The following IPP variants were observed in gnomAD, a reference collection of about 807,000 sequenced individuals.
The protein encoded by IPP is actin-binding protein IPP.
Under a neutral mutation model 64.1 loss-of-function variants are expected in IPP, and 41 were observed. That is an observed-to-expected ratio of 0.64 (90% CI 0.50 to 0.83). IPP has a LOEUF of 0.83. Ranked by LOEUF, IPP falls within the 40% of genes least tolerant of loss-of-function variation. The pLI is 0.00. For missense variants in IPP, 649 were observed against 703.0 expected, an observed-to-expected ratio of 0.92 and a Z score of 0.87; for synonymous variants, 214 against 235.2, an observed-to-expected ratio of 0.91 and a Z score of 0.83.
chr1:45,705,161 G>C (rs1645499968), intron 8 of IPP, among the ~76,000 whole-genome samples: 1 of 152,164 alleles, frequency 6.6e-6, no homozygotes, highest in South Asian at 2.1e-4. Flanking sequence ...GAACATTCCT[G>C]GGCTAAGCCC....
downstream of IPP, among the ~76,000 whole-genome samples, chr1:45,696,141 A>G (rs1240800392): frequency 6.6e-6 from 1 of 152,206 alleles, no homozygotes; most frequent in Admixed American, 6.5e-5. Flanking sequence ...GGCAAATCAT[A>G]TTTTTAGGCT....
intron 5 of IPP, among the ~76,000 whole-genome samples, chr1:45,724,973 G>A (rs1453152553): frequency 6.9e-6 from 1 of 145,642 alleles, no homozygotes; most frequent in East Asian, 2.1e-4. Context: ...TGGGAAGTGA[G>A]GAGCCCCTCT....
At chr1:45,703,854 A>G (rs1326455977) in intron 8 of IPP, among the ~76,000 whole-genome samples, 4 of 152,224 alleles carry the variant, frequency 2.6e-5, no homozygotes, top group Admixed American at 1.3e-4. Flanking sequence ...CCTCAATGCA[A>G]TGTAGCCTCC....
rs991673854 is a variant in IPP at position 45,699,207 on chromosome 1, G to C, written c.*759C>G. 23 of 985,118 alleles carry C rather than the reference G, an allele frequency of 2.3e-5. No individual in the cohort carries two copies. The highest frequency in any genetic ancestry group is 6.2e-5 in the Admixed American group (1 of 16,234). The allele number at this position is 985,118 out of a possible 1,614,324, so 61.0% of individuals were successfully genotyped here. A position where few individuals can be genotyped will look rare whatever the true frequency, so the allele number is the denominator to read the frequency against. On this transcript the variant is annotated 3_prime_UTR_variant, in exon 9 of 9. Transcript: ENST00000396478. ...AGGTATCTATCTATTAAAATAGCTA[G>C]ATATTTCCCAAACACCCCTCCTAGG...
At chr1:45,728,533 T>G (rs1487821483) in intron 4 of IPP, among the ~76,000 whole-genome samples, 1 of 151,128 alleles carries the variant, frequency 6.6e-6, no homozygotes, top group African/African-American at 2.4e-5. Flanking sequence ...CTTGCTCTGT[T>G]GCCCAGGCTG....
At chr1:45,734,704 C>T (rs1645953661) in intron 3 of IPP, among the ~76,000 whole-genome samples, 2 of 152,072 alleles carry the variant, frequency 1.3e-5, no homozygotes, top group African/African-American at 4.8e-5. Flanking sequence ...ACTGCAACCT[C>T]TGCCTCCTGG....
intron 5 of IPP, among the ~76,000 whole-genome samples, chr1:45,720,422 T>TA (rs1276636325): frequency 3.3e-5 from 5 of 151,944 alleles, no homozygotes; most frequent in Admixed American, 1.3e-4. Context: ...TTTTTGTATT[T>TA]AAAAAAAAGA....
chr1:45,738,441 T>C (rs974138495), intron 3 of IPP, among the ~76,000 whole-genome samples: 19 of 151,972 alleles, frequency 1.3e-4, no homozygotes, highest in African/African-American at 2.4e-5. Context: ...ACAGAGAAAA[T>C]ACCTATGTTA....
intron 2 of IPP, among the ~76,000 whole-genome samples, chr1:45,742,659 G>A (rs115944435): frequency 0.032 from 4,803 of 151,780 alleles, 247 homozygotes; most frequent in African/African-American, 0.11. Flanking sequence ...TCAACCTCCC[G>A]AGTAGCTGGT....
Position 45,714,438 on chromosome 1 carries a change from G to T in IPP, c.1338C>A (p.Ser446Arg), listed in dbSNP as rs761229119. Reference protein sequence around the residue: ...QGLIYVIGGISNEGIELRSFE... With the variant: ...QGLIYVIGGIRNEGIELRSFE... ...AAGAACGAAGTTCTATTCCTTCATT[G>T]CTGATGCCCCCAATTACATAAATTA... The change falls in exon 8 of 9, where the codon AGC becomes AGA. Residue 446 changes from serine to arginine, a missense_variant. Transcript: ENST00000396478. The T allele has an allele frequency of 3.1e-6, 5 of 1,613,024 alleles. No individual in the cohort carries two copies. Among genetic ancestry groups the T allele is most frequent in the South Asian group, 2.2e-5 (2 of 91,062 alleles).
chr1:45,702,855 T>G (rs1273164445), intron 8 of IPP, among the ~76,000 whole-genome samples: 2 of 152,194 alleles, frequency 1.3e-5, no homozygotes, highest in Non-Finnish European at 2.9e-5. Context: ...AAAGTTCACT[T>G]TCTATATTAG....
intron 6 of IPP, 138 bp downstream of exon 6, chr1:45,719,065 C>T (rs1300125682): frequency 1.4e-5 from 10 of 722,044 alleles, no homozygotes; most frequent in Non-Finnish European, 2.3e-5. Context: ...TCCCATTTTA[C>T]AAGATGTGAT....
chr1:45,700,937 T>G (rs996099248), intron 8 of IPP, among the ~76,000 whole-genome samples: 1 of 152,212 alleles, frequency 6.6e-6, no homozygotes, highest in Non-Finnish European at 1.5e-5. Context: ...TGACACAGCA[T>G]GGAACACCTG....
chr1:45,719,965 G>A (rs971168007), intron 5 of IPP, among the ~76,000 whole-genome samples: 3 of 152,018 alleles, frequency 2.0e-5, no homozygotes, highest in Non-Finnish European at 2.9e-5. Context: ...CTCGTGATCC[G>A]CCCGCCTCAG....
At chr1:45,711,265 T>A (rs1490588795) in intron 8 of IPP, among the ~76,000 whole-genome samples, 4 of 151,482 alleles carry the variant, frequency 2.6e-5, no homozygotes, top group South Asian at 2.1e-4. Flanking sequence ...TGCTTGAACC[T>A]GGGAGGCGGA....
intron 5 of IPP, among the ~76,000 whole-genome samples, chr1:45,727,232 T>C (rs1196529969): frequency 1.3e-5 from 2 of 152,110 alleles, no homozygotes; most frequent in Non-Finnish European, 2.9e-5. Flanking sequence ...AAATTTTTTG[T>C]AGAGATAAAG....
At position 45,719,323 on chromosome 1, in the gene IPP, T is replaced by C; in HGVS notation, c.1066A>G (p.Ile356Val). 1 of 1,597,550 alleles carries C rather than the reference T, an allele frequency of 6.3e-7. No individual in the cohort carries two copies. The highest frequency in any genetic ancestry group is 8.5e-7 in the Non-Finnish European group (1 of 1,172,962). ...YAIGGEKDSM[I>V]FDCTECYDPV... The stretch of plus-strand genomic sequence containing the variant: ...TCATAGCATTCAGTACAATCAAAAA[T>C]CATTGAATCCTTTTCACCTGAGTTA... The change falls in exon 6 of 9, where the codon ATT becomes GTT. Residue 356 changes from isoleucine (I) to valine (V), a missense_variant. By Grantham distance (29) the Ile-to-Val change is conservative. Coordinates refer to ENST00000396478, the MANE Select transcript of IPP (RefSeq NM_005897.3).
chr1:45,724,881 G>A (rs1208899816), intron 5 of IPP, among the ~76,000 whole-genome samples: 40 of 150,016 alleles, frequency 2.7e-4, no homozygotes, highest in African/African-American at 9.8e-4. Context: ...CCGTCGGGGA[G>A]GGAGGTGGGG....
chr1:45,708,010 A>G (rs1348701407), intron 8 of IPP, among the ~76,000 whole-genome samples: 2 of 152,110 alleles, frequency 1.3e-5, no homozygotes, highest in Non-Finnish European at 2.9e-5. Flanking sequence ...TACTTGTCAG[A>G]AAAAAATCTA....
Sources: gnomAD v4.1 joint callset for allele counts (sites outside exome capture counted in the v4.1 genomes callset) on GRCh38, gnomAD v4.1.1 for gene constraint, MANE v1.5 for transcripts, NCBI Gene and HGNC (gene_info 2026-07-23, HGNC 2026-07-21) for gene names.